Variants in NXPH1 observed in about 807,000 individuals in gnomAD.
NXPH1 encodes neurexophilin 1, also known as neurexophilin-1.
In NXPH1, 5 loss-of-function variants were observed where a neutral mutation model predicts 23.7. The ratio of observed to expected loss-of-function variants is 0.21; its 90% CI spans 0.11 to 0.44. NXPH1 has a LOEUF of 0.44. Among genes scored for constraint, NXPH1 ranks in the 20% least tolerant of loss-of-function variants. The pLI is 0.99. For synonymous variants in NXPH1, 144 were observed against 122.2 expected, an observed-to-expected ratio of 1.18 and a Z score of -1.18; for missense variants, 324 against 321.6, an observed-to-expected ratio of 1.01 and a Z score of -0.06.
chr7:8,519,558 A>C (rs1296736250), intron 2 of NXPH1, among the ~76,000 whole-genome samples: 1 of 152,224 alleles, frequency 6.6e-6, no homozygotes, highest in African/African-American at 2.4e-5. Context: ...TCTAATATGG[A>C]ATAAGCATTT....
chr7:8,446,408 A>G (rs17403946), intron 2 of NXPH1, among the ~76,000 whole-genome samples: 5,626 of 152,316 alleles, frequency 0.037, 138 homozygotes, highest in Middle Eastern at 0.054. Context: ...ATGGGTCACA[A>G]AGAAGTCATG....
intron 2 of NXPH1, among the ~76,000 whole-genome samples, chr7:8,595,730 T>TGTGTGC (rs1197601833): frequency 6.6e-6 from 1 of 151,972 alleles, no homozygotes; most frequent in East Asian, 1.9e-4. Context: ...AGTGTGTGTC[T>TGTGTGC]GTGTGCGTGT....
chr7:8,582,075 C>T (rs1054555728), intron 2 of NXPH1, among the ~76,000 whole-genome samples: 1 of 152,106 alleles, frequency 6.6e-6, no homozygotes, highest in African/African-American at 2.4e-5. Context: ...CAGCTCCGGG[C>T]ACCAGCACAG....
intron 2 of NXPH1, among the ~76,000 whole-genome samples, chr7:8,654,215 A>G (rs568600097): frequency 1.3e-5 from 2 of 152,126 alleles, no homozygotes; most frequent in South Asian, 4.2e-4. Context: ...TTGTAAAATC[A>G]AACTCTGTTA....
At chr7:8,503,372 C>T (rs75800062) in intron 2 of NXPH1, among the ~76,000 whole-genome samples, 2,925 of 151,966 alleles carry the variant, frequency 0.019, 82 homozygotes, top group African/African-American at 0.065. Context: ...CTCCCCTGTG[C>T]GGCCTCTTTG....
intron 2 of NXPH1, among the ~76,000 whole-genome samples, chr7:8,710,743 A>G (rs1003938317): frequency 6.4e-5 from 7 of 108,626 alleles, no homozygotes; most frequent in South Asian, 3.0e-4. Context: ...GCTCACTGCA[A>G]GCTCCGCTTC....
chr7:8,732,604 G>T (rs745924296), intron 2 of NXPH1, among the ~76,000 whole-genome samples: 19 of 152,258 alleles, frequency 1.2e-4, no homozygotes, highest in Non-Finnish European at 2.5e-4. Flanking sequence ...TGAAGTGTCT[G>T]TTTTAGCAAA....
chr7:8,717,894 G>GTGTA (rs71545892), intron 2 of NXPH1, among the ~76,000 whole-genome samples: 3,747 of 147,154 alleles, frequency 0.025, 154 homozygotes, highest in African/African-American at 0.086. Flanking sequence ...CTCTCTGTGT[G>GTGTA]TATATATATA....
intron 2 of NXPH1, among the ~76,000 whole-genome samples, chr7:8,576,529 T>A (rs1181837142): frequency 6.6e-6 from 1 of 152,166 alleles, no homozygotes; most frequent in East Asian, 1.9e-4. Context: ...ATGTAGCTTA[T>A]GGAAGAAAGT....
intron 2 of NXPH1, among the ~76,000 whole-genome samples, chr7:8,624,652 A>C (rs59630681): frequency 6.6e-6 from 1 of 152,114 alleles, no homozygotes; most frequent in African/African-American, 2.4e-5. Flanking sequence ...GAATGAATGG[A>C]GTTGTACAAA....
At chr7:8,578,422 A>G (rs927721788) in intron 2 of NXPH1, among the ~76,000 whole-genome samples, 2 of 152,240 alleles carry the variant, frequency 1.3e-5, no homozygotes, top group Non-Finnish European at 2.9e-5. Context: ...AAGTTCAACT[A>G]TAGCCTCAGC....
intron 2 of NXPH1, among the ~76,000 whole-genome samples, chr7:8,741,348 C>T (rs972742411): frequency 6.6e-6 from 1 of 152,128 alleles, no homozygotes; most frequent in African/African-American, 2.4e-5. Context: ...GTGAATAATG[C>T]TGCAATGAAT....
At chr7:8,734,332 G>A (rs1430364472) in intron 2 of NXPH1, among the ~76,000 whole-genome samples, 4 of 152,090 alleles carry the variant, frequency 2.6e-5, no homozygotes, top group African/African-American at 9.7e-5. Flanking sequence ...TGTTCTTTTT[G>A]CTTAGGATTG....
At chr7:8,511,342 C>T (rs1817608174) in intron 2 of NXPH1, among the ~76,000 whole-genome samples, 1 of 152,090 alleles carries the variant, frequency 6.6e-6, no homozygotes, top group East Asian at 1.9e-4. Flanking sequence ...AGGCTGCCAG[C>T]CACAATTTTG....
At chr7:8,534,095 C>T (rs907482008) in intron 2 of NXPH1, among the ~76,000 whole-genome samples, 1 of 152,040 alleles carries the variant, frequency 6.6e-6, no homozygotes, top group Non-Finnish European at 1.5e-5. Flanking sequence ...TGGAAACACA[C>T]AAAAATCAAT....
chr7:8,520,362 T>C (rs1279439934), intron 2 of NXPH1, among the ~76,000 whole-genome samples: 1 of 152,192 alleles, frequency 6.6e-6, no homozygotes, highest in East Asian at 1.9e-4. Context: ...TGTTCTATGA[T>C]TGAGATGACA....
chr7:8,558,228 A>T (rs73050685), intron 2 of NXPH1, among the ~76,000 whole-genome samples: 9,330 of 151,364 alleles, frequency 0.062, 353 homozygotes, highest in Middle Eastern at 0.1. Context: ...TTATTTGGTT[A>T]TTTTTTTCGG....
chr7:8,549,620 T>C (rs911261331), intron 2 of NXPH1, among the ~76,000 whole-genome samples: 1 of 151,562 alleles, frequency 6.6e-6, no homozygotes, highest in African/African-American at 2.4e-5. Flanking sequence ...CTCTGCTTTT[T>C]GGAATTTTGT....
intron 2 of NXPH1, among the ~76,000 whole-genome samples, chr7:8,550,912 G>T (rs1388814482): frequency 6.6e-6 from 1 of 151,440 alleles, no homozygotes; most frequent in Non-Finnish European, 1.5e-5. Context: ...ATTGTATACA[G>T]ATGTTTTCAA....
Sources: allele counts gnomAD v4.1 joint callset (sites outside exome capture counted in the v4.1 genomes callset), GRCh38; gene constraint gnomAD v4.1.1; transcripts MANE v1.5; gene names NCBI Gene and HGNC (gene_info 2026-07-23, HGNC 2026-07-21).